Variants in LRRK2 observed in about 807,000 individuals in gnomAD.
The protein encoded by LRRK2 is leucine rich repeat kinase 2, also known as leucine-rich repeat serine/threonine-protein kinase 2.
In LRRK2, 203 loss-of-function variants were observed where a neutral mutation model predicts 302.6. The observed-to-expected ratio is 0.67, with a 90% CI of 0.60 to 0.75. The LOEUF (loss-of-function observed/expected upper bound fraction) is 0.75. LRRK2 is among the 30% of genes least tolerant of loss of function. LRRK2 has a pLI of 0.00. For synonymous variants in LRRK2, 1,066 were observed against 1,031.9 expected (o/e 1.03, Z -0.63); for missense variants, 2,830 against 2,951.0 (o/e 0.96, Z 0.95).
intron 43 of LRRK2, 70 bp downstream of exon 43, chr12:40,348,579 C>A: frequency 1.1e-6 from 1 of 921,802 alleles, no homozygotes; most frequent in Non-Finnish European, 1.7e-6. Flanking sequence ...ATATAATCTT[C>A]AAATATATAT....
intron 14 of LRRK2, among the ~76,000 whole-genome samples, chr12:40,265,893 A>C (rs918145509): frequency 3.9e-5 from 6 of 152,162 alleles, no homozygotes; most frequent in South Asian, 2.1e-4. Context: ...CAAAAACAAG[A>C]AATGGGGAAA....
intron 18 of LRRK2, among the ~76,000 whole-genome samples, chr12:40,280,832 C>T (rs149331112): frequency 0.014 from 2,084 of 151,002 alleles, 36 homozygotes; most frequent in Non-Finnish European, 0.02. Context: ...TTTGGGAGGC[C>T]GAGGTGGGTG....
At chr12:40,231,732 T>G (rs1007010461) in intron 2 of LRRK2, among the ~76,000 whole-genome samples, 11 of 147,704 alleles carry the variant, frequency 7.4e-5, no homozygotes, top group African/African-American at 2.7e-4. Flanking sequence ...CTTCATAATT[T>G]AGAAATTATA....
Position 40,238,197 on chromosome 12 carries a change from C to G in LRRK2, c.571+94C>G, listed in dbSNP as rs1404753071. 4.7e-6 allele frequency: 6 copies of G among 1,276,606 alleles called. No homozygotes were observed. The East Asian group carries it at 1.2e-4, about 25-fold the overall frequency. 79.1% of individuals were successfully genotyped at this position (1,276,606 alleles called of 1,614,324 possible). On this transcript the variant is annotated intron_variant, in intron 5 of 50. Coordinates refer to ENST00000298910, the MANE Select transcript of LRRK2 (RefSeq NM_198578.4). Reference sequence around the variant, plus strand: ...CACAGTTATAATAAGAAGAAGGTTTCTAAAATCCTACTATTTATTAAGAAG... The same window carrying G: ...CACAGTTATAATAAGAAGAAGGTTTGTAAAATCCTACTATTTATTAAGAAG...
At chr12:40,348,375 TA>T in intron 42 of LRRK2, 33 bp from the exon 43 acceptor site, 1 of 1,401,628 alleles carries the variant, frequency 7.1e-7, no homozygotes. Context: ...CTTACTTATT[TA>T]GTATGCTAGC....
At chr12:40,287,271 C>T (rs986405724) in intron 19 of LRRK2, 80 bp from the exon 20 acceptor site, 7 of 1,223,526 alleles carry the variant, frequency 5.7e-6, no homozygotes, top group East Asian at 4.8e-5. Context: ...CATAGCAATA[C>T]GTAAGAACTT....
rs146414591 is a variant in LRRK2 at position 40,246,902 on chromosome 12, G to A, written c.839-2924G>A. ...CCCTCTGCCCCTCAACACACACCTT[G>A]GAAATTTCCTTGATATTTTTGTGAG... On this transcript the variant is annotated intron_variant, in intron 7 of 50. Coordinates refer to ENST00000298910, the MANE Select transcript of LRRK2 (RefSeq NM_198578.4). Among the ~76,000 whole-genome samples the A allele has an allele frequency of 4.6e-5, 7 of 152,130 alleles. No individual in the cohort carries two copies. The East Asian group carries it at 7.7e-4, about 17-fold the overall frequency.
intron 35 of LRRK2, among the ~76,000 whole-genome samples, chr12:40,321,727 G>C (rs935753431): frequency 6.6e-6 from 1 of 152,044 alleles, no homozygotes; most frequent in African/African-American, 2.4e-5. Context: ...CGTTTAGCAT[G>C]ATCAAAAACT....
chr12:40,266,477 G>T (rs1045274376), intron 14 of LRRK2, among the ~76,000 whole-genome samples: 35 of 152,100 alleles, frequency 2.3e-4, no homozygotes, highest in Admixed American at 8.5e-4. Flanking sequence ...AGTTAGAATG[G>T]CGATCATTAA....
At chr12:40,316,957 T>G (rs1303456329) in intron 33 of LRRK2, among the ~76,000 whole-genome samples, 2 of 152,088 alleles carry the variant, frequency 1.3e-5, no homozygotes, top group Non-Finnish European at 2.9e-5. Context: ...TAAAGTGGTG[T>G]GTTTCCATGT....
intron 13 of LRRK2, among the ~76,000 whole-genome samples, chr12:40,261,074 A>G (rs1048866845): frequency 1.3e-4 from 20 of 152,176 alleles, no homozygotes; most frequent in Non-Finnish European, 2.9e-5. Flanking sequence ...CTATTCAATC[A>G]GTATTTTAAA....
At chr12:40,279,399 ACAAT>A (rs1191888505) in intron 18 of LRRK2, among the ~76,000 whole-genome samples, 1 of 152,022 alleles carries the variant, frequency 6.6e-6, no homozygotes, top group Non-Finnish European at 1.5e-5. Flanking sequence ...AATCACATAA[ACAAT>A]CTAATTATTT....
At chr12:40,349,171 C>T (rs1286710994) in intron 43 of LRRK2, among the ~76,000 whole-genome samples, 2 of 152,040 alleles carry the variant, frequency 1.3e-5, no homozygotes, top group African/African-American at 4.8e-5. Context: ...AATGGCTTCT[C>T]CCCTTTTGTC....
intron 14 of LRRK2, among the ~76,000 whole-genome samples, chr12:40,273,259 T>C (rs1943311920): frequency 6.6e-6 from 1 of 152,176 alleles, no homozygotes; most frequent in South Asian, 2.1e-4. Flanking sequence ...TTAATGGTTC[T>C]CAGATTCGCA....
chr12:40,338,442 ACAAT>A (rs1411077681), intron 40 of LRRK2, among the ~76,000 whole-genome samples: 2 of 152,240 alleles, frequency 1.3e-5, no homozygotes, highest in African/African-American at 4.8e-5. Context: ...TACAATAATC[ACAAT>A]CAAAGAATGA....
At chr12:40,278,621 G>T (rs564567088) in intron 18 of LRRK2, among the ~76,000 whole-genome samples, 13 of 152,174 alleles carry the variant, frequency 8.5e-5, no homozygotes, top group African/African-American at 2.9e-4. Context: ...CATGGTTTTA[G>T]TTTCTTTGCC....
chr12:40,257,485 C>T, intron 12 of LRRK2, 108 bp downstream of exon 12: 4 of 1,328,124 alleles, frequency 3.0e-6, no homozygotes, highest in East Asian at 2.4e-5. Context: ...AAACATAAGA[C>T]ACTTGAAAAC....
intron 8 of LRRK2, 120 bp downstream of exon 8, chr12:40,250,065 G>A (rs1942185706): frequency 8.0e-7 from 1 of 1,256,038 alleles, no homozygotes; most frequent in Non-Finnish European, 1.1e-6. Context: ...GTCCTGTGTA[G>A]CTCATTTTCC....
chr12:40,228,372 C>T (rs188567431), intron 2 of LRRK2, among the ~76,000 whole-genome samples: 322 of 135,168 alleles, frequency 2.4e-3, no homozygotes, highest in Non-Finnish European at 3.8e-3. Flanking sequence ...ACCTGTTAGC[C>T]ATTTGTCTGT....
Sources: allele counts gnomAD v4.1 joint callset (sites outside exome capture counted in the v4.1 genomes callset), GRCh38; gene constraint gnomAD v4.1.1; transcripts MANE v1.5; gene names NCBI Gene and HGNC (gene_info 2026-07-23, HGNC 2026-07-21).